IL1RN: variants seen among roughly 807,000 people sequenced by gnomAD.
IL1RN encodes the protein interleukin-1 receptor antagonist protein.
IL1RN carries 10 observed loss-of-function variants against 13.7 expected under a neutral mutation model. The ratio of observed to expected loss-of-function variants is 0.73; its 90% confidence interval spans 0.45 to 1.24. IL1RN has a LOEUF of 1.24. IL1RN is among the 50% of genes most tolerant of loss of function. The pLI is 0.00. For synonymous variants in IL1RN, 102 were observed against 82.7 expected, an observed-to-expected ratio of 1.23 and a Z score of -1.27; for missense variants, 213 against 222.1, an observed-to-expected ratio of 0.96 and a Z score of 0.26.
chr2:113,101,575 T>G, the IL1RN span, among the ~76,000 whole-genome samples: 2 of 152,158 alleles, frequency 1.3e-5, no homozygotes, highest in African/African-American at 2.4e-5. Flanking sequence ...TTCTCAAGAA[T>G]GAAGAGTTAA....
In IL1RN at chr2:113,133,171, G is replaced by A; in HGVS notation, c.*300G>A. ...CAAACCCCGACCACCTGCCCAACCT[G>A]CTCTCCTCTTGCCACTGCCTCTTCC... is the stretch of plus-strand genomic sequence containing the variant. On this transcript the variant is annotated 3_prime_UTR_variant, in exon 4 of 4. Coordinates refer to ENST00000409930, the MANE Select transcript of IL1RN (RefSeq NM_173842.3). 1 of 467,458 alleles carries A rather than the reference G, an allele frequency of 2.1e-6. No individual in the cohort carries two copies. The highest frequency in any genetic ancestry group is 4.0e-6 in the Non-Finnish European group (1 of 252,606). The allele number at this position is 467,458 out of a possible 1,614,324, so 29.0% of individuals were successfully genotyped here. A position where few individuals can be genotyped will look rare whatever the true frequency, so the allele number is the denominator to read the frequency against.
chr2:113,104,541 G>A (rs953666992), upstream of IL1RN, among the ~76,000 whole-genome samples: 69 of 152,166 alleles, frequency 4.5e-4, no homozygotes, highest in Non-Finnish European at 8.4e-4. Flanking sequence ...CCCAGGAGAC[G>A]GAAAAGTAAC....
the IL1RN span, among the ~76,000 whole-genome samples, chr2:113,100,033 C>T: frequency 1.4e-5 from 2 of 140,354 alleles, no homozygotes; most frequent in Non-Finnish European, 3.1e-5. Context: ...CGCGACTGGC[C>T]CCTCTTCCTT....
intron 2 of IL1RN, among the ~76,000 whole-genome samples, chr2:113,120,504 C>T (rs750466968): frequency 2.6e-5 from 4 of 152,170 alleles, no homozygotes; most frequent in Non-Finnish European, 5.9e-5. Flanking sequence ...TACCAGTGCC[C>T]TTTAAGGGTT....
rs115262555 is a variant in IL1RN, at chr2:113,131,585, G to A, written c.318+428G>A. 3.8e-3 allele frequency among the ~76,000 whole-genome samples: 574 copies of A among 152,172 alleles called. 5 individuals carry two copies. The highest frequency in any genetic ancestry group is 0.013 in the African/African-American group (541 of 41,516). On this transcript the variant is annotated intron_variant, in intron 3 of 3. Transcript: ENST00000409930. ...TAAGAGTGTGAACACCAGGAGACAC[G>A]GTCACTGGGGGCCACCACTGTAACC... is the stretch of plus-strand genomic sequence containing the variant.
chr2:113,129,323 T>C (rs1261758958), intron 1 of IL1RN, among the ~76,000 whole-genome samples: 1 of 152,164 alleles, frequency 6.6e-6, no homozygotes, highest in South Asian at 2.1e-4. Context: ...CCTGGGAATC[T>C]CAGATGGGAA....
chr2:113,111,497 T>C (rs1054208004), intron 1 of IL1RN, among the ~76,000 whole-genome samples: 1 of 152,192 alleles, frequency 6.6e-6, no homozygotes, highest in Non-Finnish European at 1.5e-5. Context: ...ATGGATACTG[T>C]AGTACACCGC....
chr2:113,101,310 G>A, the IL1RN span, among the ~76,000 whole-genome samples: 3 of 152,190 alleles, frequency 2.0e-5, no homozygotes, highest in South Asian at 2.1e-4. Context: ...GTGGGAAGAG[G>A]CATTCACATT....
At chr2:113,132,303 A>C (rs952830190) in intron 3 of IL1RN, among the ~76,000 whole-genome samples, 5 of 152,092 alleles carry the variant, frequency 3.3e-5, no homozygotes, top group Admixed American at 6.6e-5. Context: ...AAAACATTAG[A>C]CAGGTGTGGT....
upstream of IL1RN, among the ~76,000 whole-genome samples, chr2:113,124,645 A>G (rs1037784543): frequency 6.6e-6 from 1 of 152,212 alleles, no homozygotes; most frequent in Non-Finnish European, 1.5e-5. Flanking sequence ...GGGTCAGGGC[A>G]TGATTCATCA....
At chr2:113,129,230 G>A (rs111329225) in intron 1 of IL1RN, among the ~76,000 whole-genome samples, 1 of 152,216 alleles carries the variant, frequency 6.6e-6, no homozygotes, top group South Asian at 2.1e-4. Context: ...GGGCAGTGCA[G>A]CTACAGAACA....
At position 113,132,763 on chromosome 2, in the gene IL1RN, C is replaced by T. The variant is rs761311365; in HGVS notation, c.426C>T (p.Pro142=). ...PTTSFESAAC[P]GWFLCTAMEA... is the part of the protein sequence containing the mutation. ...CCAGTTTTGAGTCTGCCGCCTGCCC[C>T]GGTTGGTTCCTCTGCACAGCGATGG... The change falls in exon 4 of 4, where the codon CCC becomes CCT. Residue 142 remains proline, a synonymous_variant. Coordinates refer to ENST00000409930, the MANE Select transcript of IL1RN (RefSeq NM_173842.3). 19 of 1,614,142 alleles carry T rather than the reference C, an allele frequency of 1.2e-5. No individual in the cohort carries two copies. Among genetic ancestry groups the T allele is most frequent in the Middle Eastern group, 1.6e-4 (1 of 6,084 alleles).
intron 2 of IL1RN, chr2:113,120,219 A>G: frequency 1.1e-6 from 1 of 900,904 alleles, no homozygotes; most frequent in Middle Eastern, 3.0e-4. Flanking sequence ...GAAATTAAAG[A>G]TGAATGGTTT....
At chr2:113,129,511 G>A (rs1050892062) in intron 1 of IL1RN, 65 bp from the exon 2 acceptor site, 2 of 982,358 alleles carry the variant, frequency 2.0e-6, no homozygotes, top group East Asian at 2.4e-5. Flanking sequence ...GACACAGGAA[G>A]GTGCCAAGCA....
upstream of IL1RN, among the ~76,000 whole-genome samples, chr2:113,124,463 AG>A (rs759071406): frequency 6.6e-6 from 1 of 151,986 alleles, no homozygotes; most frequent in Non-Finnish European, 1.5e-5. Context: ...GAGTCAGAGC[AG>A]GCTTGAGACT....
intron 2 of IL1RN, among the ~76,000 whole-genome samples, chr2:113,121,878 C>T (rs1686794702): frequency 6.6e-6 from 1 of 152,216 alleles, no homozygotes; most frequent in East Asian, 1.9e-4. Flanking sequence ...AGGACTGGGT[C>T]AGTGAGGACC....
At position 113,118,042 on chromosome 2, in the gene IL1RN, A is replaced by C. The variant is rs753071748; in HGVS notation, c.10+14A>C. 40 of 1,611,104 alleles carry C rather than the reference A, an allele frequency of 2.5e-5. No homozygotes were observed. In the African/African-American group the frequency reaches 4.8e-4, roughly 19 times the overall value. On this transcript the variant is annotated intron_variant, in intron 1 of 5. Transcript: ENST00000259206. The stretch of plus-strand genomic sequence containing the variant: ...CCATGGCTTTAGGTAAGCTCCTTCC[A>C]CTCTCATTTTTTCACCTGAGAAATG...
upstream of IL1RN, among the ~76,000 whole-genome samples, chr2:113,126,124 A>G (rs979635253): frequency 3.9e-5 from 6 of 152,164 alleles, no homozygotes; most frequent in African/African-American, 9.7e-5. Context: ...AACACGTTTG[A>G]GAAATAGTGT....
intron 2 of IL1RN, among the ~76,000 whole-genome samples, chr2:113,122,097 G>A (rs1458689368): frequency 6.6e-6 from 1 of 152,196 alleles, no homozygotes; most frequent in Non-Finnish European, 1.5e-5. Context: ...AGTGTTGGCC[G>A]AAGCCACTAA....
Sources: gnomAD v4.1 joint callset for allele counts (sites outside exome capture counted in the v4.1 genomes callset) on GRCh38, gnomAD v4.1.1 for gene constraint, MANE v1.5 for transcripts, NCBI Gene and HGNC (gene_info 2026-07-23, HGNC 2026-07-21) for gene names.